NNT: variants seen among roughly 807,000 people sequenced by gnomAD.
NNT encodes the protein NAD(P) transhydrogenase, mitochondrial.
Under a neutral mutation model 104.8 loss-of-function variants are expected in NNT, and 50 were observed. The observed-to-expected ratio is 0.48, with a 90% confidence interval of 0.38 to 0.60. The LOEUF (loss-of-function observed/expected upper bound fraction) is 0.60. Ranked by LOEUF, NNT falls within the 20% of genes least tolerant of loss-of-function variation. The pLI, the probability that NNT is intolerant of heterozygous loss-of-function variation, is 0.00. For missense variants in NNT, 1,131 were observed against 1,330.7 expected, an observed-to-expected ratio of 0.85 and a Z score of 2.33; for synonymous variants, 461 against 490.4, an observed-to-expected ratio of 0.94 and a Z score of 0.79.
chr5:43,619,712 A>G (rs1749971223), intron 5 of NNT, among the ~76,000 whole-genome samples: 1 of 152,208 alleles, frequency 6.6e-6, no homozygotes, highest in African/African-American at 2.4e-5. Context: ...AACAATGGAA[A>G]CCCTGAGGCT....
chr5:43,645,643 C>G (rs1472075924), intron 10 of NNT, 133 bp downstream of exon 10: 1 of 115,498 alleles, frequency 8.7e-6, no homozygotes, highest in African/African-American at 4.0e-5. Context: ...ATCTACACAT[C>G]TATCTATCTA....
chr5:43,660,425 G>A (rs1258977164), intron 17 of NNT, among the ~76,000 whole-genome samples: 2 of 150,520 alleles, frequency 1.3e-5, no homozygotes, highest in Non-Finnish European at 1.5e-5. Context: ...TTAAAGGTTT[G>A]AGTAGAACTT....
intron 20 of NNT, among the ~76,000 whole-genome samples, chr5:43,700,497 A>G (rs1428825005): frequency 6.6e-6 from 1 of 152,156 alleles, no homozygotes; most frequent in Admixed American, 6.5e-5. Context: ...GTAGTATAGA[A>G]ATGTTGAAGA....
chr5:43,647,183 A>T lies in NNT; in HGVS notation c.1444+1673A>T, dbSNP rs142018894. On this transcript the variant is annotated intron_variant, in intron 10 of 21. Coordinates refer to ENST00000344920, the MANE Select transcript of NNT (RefSeq NM_182977.3). ...TGTAACTCTCCTTGAATAAAGAGTA[A>T]GTCTCAGCAAAATGACTGAAAAAGC... 2.2e-3 allele frequency among the ~76,000 whole-genome samples: 336 copies of T among 152,348 alleles called. 1 individual carries two copies. The highest frequency in any genetic ancestry group is 7.8e-3 in the African/African-American group (323 of 41,582).
intron 19 of NNT, among the ~76,000 whole-genome samples, chr5:43,686,779 C>A (rs1240982956): frequency 1.3e-5 from 2 of 152,080 alleles, no homozygotes; most frequent in Non-Finnish European, 2.9e-5. Flanking sequence ...GCCTAAAGCA[C>A]TTTGTATGAA....
chr5:43,699,708 T>G (rs1039881607), intron 19 of NNT, among the ~76,000 whole-genome samples: 2 of 152,212 alleles, frequency 1.3e-5, no homozygotes, highest in African/African-American at 4.8e-5. Context: ...CAGCTTTTGA[T>G]AGAATAATGT....
intron 11 of NNT, 119 bp from the exon 12 acceptor site, chr5:43,650,355 CTTG>C: frequency 1.6e-6 from 1 of 629,552 alleles, no homozygotes; most frequent in Non-Finnish European, 2.7e-6. Flanking sequence ...AGAAAGCTGC[CTTG>C]TTTTTTAATA....
rs1196780007 is a variant in NNT at position 43,706,253 on chromosome 5, C to T, written c.*1849C>T. On this transcript the variant is annotated 3_prime_UTR_variant, in exon 22 of 22. Transcript: ENST00000344920. ...TATATAATTTCTTAAATTAATATTCCAAAAGGTTAGTGGACTTAGATTATA... is the reference window on the plus strand; with the variant it reads ...TATATAATTTCTTAAATTAATATTCTAAAAGGTTAGTGGACTTAGATTATA... The T allele has an allele frequency of 6.6e-6, 1 of 150,666 alleles. No homozygotes were observed. Among genetic ancestry groups the T allele is most frequent in the Non-Finnish European group, 1.5e-5 (1 of 67,654 alleles). The allele number at this position is 150,666 out of a possible 1,614,324, so 9.3% of individuals were successfully genotyped here. A position where few individuals can be genotyped will look rare whatever the true frequency, so the allele number is the denominator to read the frequency against.
intron 19 of NNT, among the ~76,000 whole-genome samples, chr5:43,689,924 C>G (rs1742175253): frequency 6.6e-6 from 1 of 151,694 alleles, no homozygotes; most frequent in Non-Finnish European, 1.5e-5. Context: ...CTTCAGAGAT[C>G]AAAGATAAGC....
At chr5:43,629,922 G>A (rs1348800207) in intron 7 of NNT, among the ~76,000 whole-genome samples, 3 of 151,982 alleles carry the variant, frequency 2.0e-5, no homozygotes, top group Non-Finnish European at 4.4e-5. Flanking sequence ...TCCCATCCTG[G>A]GTTGTCTGTT....
chr5:43,609,165 G>T lies in NNT; in HGVS notation c.-31G>T. 1.9e-6 allele frequency: 3 copies of T among 1,583,136 alleles called. No homozygotes were observed. Among genetic ancestry groups the T allele is most frequent in the Admixed American group, 1.8e-5 (1 of 57,048 alleles). On this transcript the variant is annotated 5_prime_UTR_variant, in exon 2 of 22. Coordinates refer to ENST00000344920, the MANE Select transcript of NNT (RefSeq NM_182977.3). ...TAGTGATTTGCCTTCAAGGAAACTG[G>T]GGAGTCAGAAAATTGGGAACTCATA...
At chr5:43,663,616 C>T (rs73751798) in intron 17 of NNT, among the ~76,000 whole-genome samples, 2,144 of 152,222 alleles carry the variant, frequency 0.014, 52 homozygotes, top group African/African-American at 0.045. Context: ...CTGTGCTTAG[C>T]GGCTCTAGGT....
intron 5 of NNT, among the ~76,000 whole-genome samples, chr5:43,621,887 A>G (rs1397037410): frequency 6.6e-6 from 1 of 152,200 alleles, no homozygotes; most frequent in Admixed American, 6.5e-5. Flanking sequence ...TAGGTTCTGG[A>G]AAAATAAAGA....
Position 43,675,451 on chromosome 5 carries a change from G to T in NNT, c.2635-60G>T, listed in dbSNP as rs1741360206. 4.9e-6 allele frequency: 7 copies of T among 1,437,284 alleles called. No homozygotes were observed. In the Admixed American group the frequency reaches 1.4e-4, roughly 29 times the overall value. 89.0% of individuals were successfully genotyped at this position (1,437,284 alleles called of 1,614,324 possible). The stretch of plus-strand genomic sequence containing the variant: ...TCCAAATATCATATACACAACATTT[G>T]TACTATTCTCACAAAGTTATGTGTG... On this transcript the variant is annotated intron_variant, in intron 17 of 21. Transcript: ENST00000344920.
chr5:43,699,236 G>A (rs1742722901), intron 19 of NNT, among the ~76,000 whole-genome samples: 1 of 151,904 alleles, frequency 6.6e-6, no homozygotes, highest in Admixed American at 6.6e-5. Context: ...CTGTGTTTTA[G>A]ATGCTCCTGT....
intron 7 of NNT, among the ~76,000 whole-genome samples, chr5:43,642,927 A>G (rs531484570): frequency 1.3e-5 from 2 of 152,184 alleles, no homozygotes; most frequent in Non-Finnish European, 2.9e-5. Context: ...TTTATAAAAA[A>G]TATGTATATT....
chr5:43,666,634 T>G, intron 17 of NNT: 1 of 264,336 alleles, frequency 3.8e-6, no homozygotes, highest in Non-Finnish European at 7.1e-6. Flanking sequence ...GGGAGATCTA[T>G]TTTTTTTTTT....
chr5:43,663,409 C>T (rs1740474799), intron 17 of NNT, among the ~76,000 whole-genome samples: 1 of 152,198 alleles, frequency 6.6e-6, no homozygotes, highest in Non-Finnish European at 1.5e-5. Flanking sequence ...ATGATCTCTA[C>T]TCCTAGGCAT....
intron 7 of NNT, among the ~76,000 whole-genome samples, chr5:43,643,527 G>A (rs922145374): frequency 3.3e-5 from 5 of 152,228 alleles, no homozygotes; most frequent in Non-Finnish European, 5.9e-5. Context: ...ACCAGGCATA[G>A]ATAGGGCTTG....
Sources: gnomAD v4.1 joint callset for allele counts (sites outside exome capture counted in the v4.1 genomes callset) on GRCh38, gnomAD v4.1.1 for gene constraint, MANE v1.5 for transcripts, NCBI Gene and HGNC (gene_info 2026-07-23, HGNC 2026-07-21) for gene names.